The following DDX50 variants were observed in gnomAD, a reference collection of about 807,000 sequenced individuals.
DDX50 encodes ATP-dependent RNA helicase DDX50.
A neutral mutation model predicts 94.8 loss-of-function variants in DDX50; 56 were observed. That is an observed-to-expected ratio of 0.59 (90% CI 0.48 to 0.74). DDX50 has a LOEUF of 0.74. Among genes scored for constraint, DDX50 ranks in the 30% least tolerant of loss-of-function variants. DDX50 has a pLI of 0.00. For missense variants in DDX50, 713 were observed against 881.2 expected, an observed-to-expected ratio of 0.81 and a Z score of 2.42; for synonymous variants, 264 against 295.4, an observed-to-expected ratio of 0.89 and a Z score of 1.09.
intron 1 of DDX50, chr10:68,906,428 T>C (rs551797178): frequency 6.9e-6 from 2 of 290,136 alleles, no homozygotes; most frequent in African/African-American, 4.5e-5. Flanking sequence ...GGGTTGTCTT[T>C]CTTTCCCTGA....
chr10:68,925,341 C>T (rs1440226304), intron 8 of DDX50, among the ~76,000 whole-genome samples: 3 of 151,790 alleles, frequency 2.0e-5, no homozygotes, highest in Admixed American at 2.0e-4. Flanking sequence ...AACTCTCGAT[C>T]TCAGATGATC....
intron 8 of DDX50, among the ~76,000 whole-genome samples, chr10:68,927,665 T>A (rs1251062742): frequency 2.0e-5 from 3 of 152,204 alleles, no homozygotes; most frequent in African/African-American, 7.2e-5. Flanking sequence ...AAAAAATATA[T>A]ATTTGCCAAG....
intron 11 of DDX50, 97 bp from the exon 12 acceptor site, chr10:68,936,839 T>G (rs1444443009): frequency 8.0e-7 from 1 of 1,246,486 alleles, no homozygotes; most frequent in Non-Finnish European, 1.1e-6. Context: ...AGGCTCTATC[T>G]CAAAAAAAAA....
At position 68,919,882 on chromosome 10, in the gene DDX50, TGTCCTTCAA is replaced by T; in HGVS notation, c.1144_1152del (p.Leu382_Val384del). The T allele has an allele frequency of 6.2e-7, 1 of 1,614,014 alleles. No homozygotes were observed. The highest frequency in any genetic ancestry group is 2.2e-5 in the East Asian group (1 of 44,892). Reference sequence around the variant, plus strand: ...CTCAGAGGCCAGCAGTTATTGGAGATGTCCTTCAAGTCTACAGTGGGTCTGAAGGGAGGG... The same window carrying T: ...CTCAGAGGCCAGCAGTTATTGGAGATGTCTACAGTGGGTCTGAAGGGAGGG... On this transcript the variant is annotated inframe_deletion, in exon 8 of 15. Coordinates refer to ENST00000373585, the MANE Select transcript of DDX50 (RefSeq NM_024045.2).
chr10:68,921,592 C>T (rs1257108812), intron 8 of DDX50, among the ~76,000 whole-genome samples: 2 of 152,132 alleles, frequency 1.3e-5, no homozygotes, highest in East Asian at 1.9e-4. Context: ...TAACATCCAC[C>T]AATAATCAGT....
At position 68,934,792 on chromosome 10, in the gene DDX50, T is replaced by C. The variant is rs565193305; in HGVS notation, c.1402-7T>C. The C allele has an allele frequency of 4.7e-4, 748 of 1,581,626 alleles. 11 individuals carry two copies. In the South Asian group the frequency reaches 8.6e-3, roughly 18 times the overall value. On this transcript the variant is annotated splice_region_variant and splice_polypyrimidine_tract_variant and intron_variant, in intron 9 of 14. Coordinates refer to ENST00000373585, the MANE Select transcript of DDX50 (RefSeq NM_024045.2). This position sits in a 1 kb window ranked among gnomAD's most constrained non-coding sequence, Gnocchi z 4.0. ...TTTTAAAAAATATTACCTTTTATAA[T>C]CTTTAGGATGTTGAGTCCTATATCC...
chr10:68,920,219 T>C (rs1841904414), intron 8 of DDX50, among the ~76,000 whole-genome samples: 1 of 151,764 alleles, frequency 6.6e-6, no homozygotes, highest in African/African-American at 2.4e-5. Context: ...TGGAGTGCAG[T>C]GGGACAATCA....
intron 3 of DDX50, 115 bp from the exon 4 acceptor site, chr10:68,910,953 C>T (rs1169166082): frequency 8.2e-6 from 6 of 731,438 alleles, no homozygotes; most frequent in Admixed American, 3.4e-5. Flanking sequence ...ACTGTGTCAC[C>T]AGGTGGCATG....
intron 12 of DDX50, among the ~76,000 whole-genome samples, chr10:68,939,243 T>C (rs887169200): frequency 6.6e-6 from 1 of 152,202 alleles, no homozygotes; most frequent in Non-Finnish European, 1.5e-5. Context: ...ATTGAGCAGA[T>C]ATCCTATCCC....
chr10:68,928,369 A>G (rs1308322148), intron 8 of DDX50, among the ~76,000 whole-genome samples: 1 of 152,072 alleles, frequency 6.6e-6, no homozygotes, highest in Non-Finnish European at 1.5e-5. Flanking sequence ...TTTCTTTTTT[A>G]CCATTTTAAG....
At position 68,934,961 on chromosome 10, in the gene DDX50, G is replaced by A; in HGVS notation, c.1521+43G>A. On this transcript the variant is annotated intron_variant, in intron 10 of 14. Transcript: ENST00000373585. This position sits in a 1 kb window ranked among gnomAD's most constrained non-coding sequence, Gnocchi z 4.0. ...ATTTCAGGCTTATTGTCTAAATGGTGCCTTAAAAGAGAGCTCTTCTTATAT... is the reference window on the plus strand; with the variant it reads ...ATTTCAGGCTTATTGTCTAAATGGTACCTTAAAAGAGAGCTCTTCTTATAT... The A allele has an allele frequency of 6.3e-7, 1 of 1,582,034 alleles. No homozygotes were observed. The highest frequency in any genetic ancestry group is 8.6e-7 in the Non-Finnish European group (1 of 1,165,904).
Position 68,936,793 on chromosome 10 carries a change from A to T in DDX50, c.1596-143A>T, listed in dbSNP as rs191531910. 5.0e-4 allele frequency: 359 copies of T among 721,326 alleles called. 1 individual carries two copies. The highest frequency in any genetic ancestry group is 1.9e-3 in the South Asian group (76 of 40,984). 44.7% of individuals were successfully genotyped at this position (721,326 alleles called of 1,614,324 possible). A position where few individuals can be genotyped will look rare whatever the true frequency, so the allele number is the denominator to read the frequency against. On this transcript the variant is annotated intron_variant, in intron 11 of 14. Coordinates refer to ENST00000373585, the MANE Select transcript of DDX50 (RefSeq NM_024045.2). Reference sequence around the variant, plus strand: ...GAGGTTGAGGCTGCAGTGAGCCAAGATCGTGCCAGTGCGCTCCAGACTGGG... The same window carrying T: ...GAGGTTGAGGCTGCAGTGAGCCAAGTTCGTGCCAGTGCGCTCCAGACTGGG...
rs1255935707 is a variant in DDX50 at position 68,937,099 on chromosome 10, G to T, written c.1755+4G>T. On this transcript the variant is annotated splice_donor_region_variant and intron_variant, in intron 12 of 14. Coordinates refer to ENST00000373585, the MANE Select transcript of DDX50 (RefSeq NM_024045.2). Reference sequence around the variant, plus strand: ...ATCTTTGATCACCTCTGATAAGGTAGAAATCTGTGAGAAAATTGTACATGA... The same window carrying T: ...ATCTTTGATCACCTCTGATAAGGTATAAATCTGTGAGAAAATTGTACATGA... 6.3e-7 allele frequency: 1 copy of T among 1,587,320 alleles called. No homozygotes were observed. Among genetic ancestry groups the T allele is most frequent in the Non-Finnish European group, 8.6e-7 (1 of 1,163,222 alleles).
intron 8 of DDX50, among the ~76,000 whole-genome samples, chr10:68,925,094 G>GTTTTTTTTT (rs752888119): frequency 2.2e-5 from 2 of 89,036 alleles, no homozygotes; most frequent in African/African-American, 7.9e-5. Context: ...CCCTGCTCAT[G>GTTTTTTTTT]GTTTTTTTTT....
chr10:68,918,428 CTTTTTTTTTTTTT>C (rs34777951), intron 7 of DDX50, among the ~76,000 whole-genome samples: 8 of 57,034 alleles, frequency 1.4e-4, no homozygotes, highest in Non-Finnish European at 2.2e-4. Context: ...CCATTCCCTC[CTTTTTTTTTTTTT>C]TTTTTTTTTT....
Position 68,911,128 on chromosome 10 carries a change from GAA to G in DDX50, c.524_525del (p.Lys175ArgfsTer22), listed in dbSNP as rs750448604. ...AAGACCTTTGGTCCTGTATATGAAG[GAA>G]AAGATTTAATAGCTCAAGCACGGAC... On this transcript the variant is annotated frameshift_variant, in exon 4 of 15. Coordinates refer to ENST00000373585, the MANE Select transcript of DDX50 (RefSeq NM_024045.2). LOFTEE classifies it high-confidence loss of function. The G allele has an allele frequency of 6.2e-7, 1 of 1,610,796 alleles. No homozygotes were observed. The highest frequency in any genetic ancestry group is 8.5e-7 in the Non-Finnish European group (1 of 1,178,588).
At chr10:68,921,831 C>T (rs187439017) in intron 8 of DDX50, among the ~76,000 whole-genome samples, 6 of 152,194 alleles carry the variant, frequency 3.9e-5, no homozygotes, top group South Asian at 2.1e-4. Flanking sequence ...AATAAAGCAT[C>T]GGTATAAAAA....
chr10:68,910,510 C>G (rs1841595256), intron 3 of DDX50, 128 bp downstream of exon 3: 3 of 645,334 alleles, frequency 4.6e-6, no homozygotes, highest in African/African-American at 1.9e-5. Flanking sequence ...TCAAGCGATT[C>G]TCCTACCTCA....
Position 68,922,685 on chromosome 10 carries a change from C to T in DDX50, c.1239+2704C>T, listed in dbSNP as rs1445848880. Among the ~76,000 whole-genome samples, 6 of 151,858 alleles carry T rather than the reference C, an allele frequency of 4.0e-5. No homozygotes were observed. In the East Asian group the frequency reaches 1.2e-3, roughly 29 times the overall value. On this transcript the variant is annotated intron_variant, in intron 8 of 14. Coordinates refer to ENST00000373585, the MANE Select transcript of DDX50 (RefSeq NM_024045.2). Reference sequence around the variant, plus strand: ...GTGTGTGCCTGTACTCCCAGCTGCTCAGGAGGCTGAGGTGGGAGAACTTCA... The same window carrying T: ...GTGTGTGCCTGTACTCCCAGCTGCTTAGGAGGCTGAGGTGGGAGAACTTCA...
Sources: gnomAD v4.1 joint callset for allele counts (sites outside exome capture counted in the v4.1 genomes callset) on GRCh38, gnomAD v4.1.1 for gene constraint, Gnocchi (gnomAD v3.1) non-coding constraint, MANE v1.5 for transcripts, NCBI Gene and HGNC (gene_info 2026-07-23, HGNC 2026-07-21) for gene names.